The following NFIC variants were observed in gnomAD, a reference collection of about 807,000 sequenced individuals.
NFIC encodes nuclear factor 1 C-type.
NFIC carries 12 observed loss-of-function variants against 54.4 expected under a neutral mutation model. The ratio of observed to expected loss-of-function variants is 0.22; its 90% CI spans 0.14 to 0.36. The LOEUF (loss-of-function observed/expected upper bound fraction) is 0.36, where lower values mean the gene tolerates loss of function less well. NFIC is among the 10% of genes least tolerant of loss of function. The pLI is 1.00. For missense variants in NFIC, 575 were observed against 718.2 expected, an observed-to-expected ratio of 0.80 and a Z score of 2.28; for synonymous variants, 322 against 319.2, an observed-to-expected ratio of 1.01 and a Z score of -0.09.
intron 2 of NFIC, among the ~76,000 whole-genome samples, chr19:3,415,641 C>A (rs2081841864): frequency 6.6e-6 from 1 of 152,090 alleles, no homozygotes; most frequent in Non-Finnish European, 1.5e-5. Flanking sequence ...CCCCCAACCC[C>A]TGCAAACTTG....
intron 1 of NFIC, among the ~76,000 whole-genome samples, chr19:3,367,649 T>A (rs2080921276): frequency 6.6e-6 from 1 of 152,248 alleles, no homozygotes; most frequent in African/African-American, 2.4e-5. Flanking sequence ...AGTTCCGTTT[T>A]CTAGACCGCT....
At chr19:3,373,626 C>CCG (rs1415958708) in intron 1 of NFIC, among the ~76,000 whole-genome samples, 4 of 124,610 alleles carry the variant, frequency 3.2e-5, no homozygotes, top group South Asian at 6.2e-4. Flanking sequence ...GACCCCCCCC[C>CCG]CAAGCTAAAA....
chr19:3,411,640 T>TC (rs2081762589), intron 2 of NFIC, among the ~76,000 whole-genome samples: 1 of 152,098 alleles, frequency 6.6e-6, no homozygotes, highest in Non-Finnish European at 1.5e-5. Context: ...TTTTAAAGGC[T>TC]CTGAAAAGTC....
upstream of NFIC, among the ~76,000 whole-genome samples, chr19:3,363,241 G>GTATATATA (rs1555736643): frequency 2.6e-5 from 2 of 77,052 alleles, no homozygotes; most frequent in Non-Finnish European, 5.0e-5. Flanking sequence ...GTATGTGTGT[G>GTATATATA]TATATATATA....
intron 5 of NFIC, 86 bp downstream of exon 5, chr19:3,434,486 C>T (rs1001302641): frequency 1.4e-6 from 2 of 1,457,754 alleles, no homozygotes; most frequent in Non-Finnish European, 1.8e-6. Flanking sequence ...TCATTCCTCT[C>T]CCTGGAATAC....
upstream of NFIC, chr19:3,366,540 G>GA (rs2080886909): frequency 3.5e-6 from 2 of 572,332 alleles, no homozygotes; most frequent in Non-Finnish European, 5.5e-6. Context: ...GGGGCGGGGG[G>GA]GGGGGTTGGG....
chr19:3,460,490 G>A (rs1241885336), intron 10 of NFIC, among the ~76,000 whole-genome samples: 1 of 152,084 alleles, frequency 6.6e-6, no homozygotes, highest in Non-Finnish European at 1.5e-5. Flanking sequence ...CATTAAAGAG[G>A]AGAATTTTTT....
At chr19:3,420,680 C>T (rs1371624808) in intron 2 of NFIC, among the ~76,000 whole-genome samples, 1 of 152,088 alleles carries the variant, frequency 6.6e-6, no homozygotes, top group African/African-American at 2.4e-5. Flanking sequence ...GTGAAGCACT[C>T]ACTATGGCAG....
intron 6 of NFIC, among the ~76,000 whole-genome samples, chr19:3,444,916 C>T (rs759480242): frequency 1.3e-5 from 2 of 152,110 alleles, no homozygotes; most frequent in South Asian, 2.1e-4. Flanking sequence ...CGTGTGCGTG[C>T]AAGCACACAT....
intron 2 of NFIC, among the ~76,000 whole-genome samples, chr19:3,385,207 C>CG (rs1269033158): frequency 1.3e-5 from 2 of 151,412 alleles, no homozygotes; most frequent in African/African-American, 4.9e-5. Context: ...GCACACCCCC[C>CG]CCCAACCCTC....
chr19:3,400,714 C>A (rs560373623), intron 2 of NFIC, among the ~76,000 whole-genome samples: 1 of 151,526 alleles, frequency 6.6e-6, no homozygotes, highest in Non-Finnish European at 1.5e-5. Context: ...TAGCGGTATG[C>A]GCCTGTAATC....
chr19:3,426,553 C>T (rs991737562), intron 3 of NFIC, among the ~76,000 whole-genome samples: 4 of 152,292 alleles, frequency 2.6e-5, no homozygotes, highest in Middle Eastern at 6.8e-3. Flanking sequence ...ACCTGTGAGC[C>T]CCCAAGTCAG....
At chr19:3,461,172 G>A (rs1428805651) in intron 10 of NFIC, among the ~76,000 whole-genome samples, 1 of 151,358 alleles carries the variant, frequency 6.6e-6, no homozygotes, top group African/African-American at 2.4e-5. Flanking sequence ...GGCAGCTGAT[G>A]TGGTGGCTCA....
At chr19:3,403,376 C>T (rs572787100) in intron 2 of NFIC, among the ~76,000 whole-genome samples, 1 of 152,328 alleles carries the variant, frequency 6.6e-6, no homozygotes, top group East Asian at 1.9e-4. Context: ...CTTCCTCTCT[C>T]GGATCTTCCG....
intron 9 of NFIC, chr19:3,454,158 C>G: frequency 7.8e-7 from 1 of 1,275,888 alleles, no homozygotes; most frequent in Non-Finnish European, 9.9e-7. Context: ...GTCCCCTTCG[C>G]CGAGTCACCT....
chr19:3,432,194 T>G (rs1319321392), intron 3 of NFIC, among the ~76,000 whole-genome samples: 1 of 152,176 alleles, frequency 6.6e-6, no homozygotes, highest in East Asian at 1.9e-4. Context: ...CAACTTCGAT[T>G]TCCAAATCTG....
At chr19:3,389,111 GATC>G (rs2081341958) in intron 2 of NFIC, among the ~76,000 whole-genome samples, 1 of 152,144 alleles carries the variant, frequency 6.6e-6, no homozygotes, top group Non-Finnish European at 1.5e-5. Flanking sequence ...GAGTCATACA[GATC>G]ATACAGTGCA....
intron 1 of NFIC, 73 bp from the exon 2 acceptor site, chr19:3,381,639 C>CCTT: frequency 2.6e-6 from 4 of 1,529,750 alleles, no homozygotes; most frequent in Non-Finnish European, 3.5e-6. Context: ...CCGACCTCAG[C>CCTT]CTTCGGGGCC....
intron 2 of NFIC, among the ~76,000 whole-genome samples, chr19:3,404,790 C>T (rs988749798): frequency 2.2e-4 from 34 of 152,216 alleles, no homozygotes; most frequent in Non-Finnish European, 4.6e-4. Context: ...CGGGGCGAGT[C>T]CCTACGCGCA....
Sources: allele counts gnomAD v4.1 joint callset (sites outside exome capture counted in the v4.1 genomes callset), GRCh38; gene constraint gnomAD v4.1.1; transcripts MANE v1.5; gene names NCBI Gene and HGNC (gene_info 2026-07-23, HGNC 2026-07-21).